MYO5B: variants seen among roughly 807,000 people sequenced by gnomAD.
The protein encoded by MYO5B is myosin VB, also known as unconventional myosin-Vb.
MYO5B carries 143 observed loss-of-function variants against 229.3 expected under a neutral mutation model. That is an observed-to-expected ratio of 0.62 (90% CI 0.54 to 0.72). MYO5B has a LOEUF of 0.72. MYO5B is among the 30% of genes least tolerant of loss of function. The probability of loss-of-function intolerance (pLI) is 0.00; values close to 1 mark genes in which losing one functional copy is unlikely to be tolerated. For synonymous variants in MYO5B, 918 were observed against 885.2 expected (o/e 1.04, Z -0.66); for missense variants, 2,321 against 2,331.0 (o/e 1.00, Z 0.09).
intron 1 of MYO5B, among the ~76,000 whole-genome samples, chr18:50,177,069 G>C (rs112254165): frequency 0.01 from 1,588 of 152,266 alleles, 29 homozygotes; most frequent in African/African-American, 0.036. Context: ...GACACCATTG[G>C]TTAAAAAATT....
chr18:49,911,036 A>C (rs2024951916), intron 18 of MYO5B, among the ~76,000 whole-genome samples: 1 of 152,198 alleles, frequency 6.6e-6, no homozygotes, highest in African/African-American at 2.4e-5. Flanking sequence ...AAATTGTTTC[A>C]ATTAAAACAT....
intron 2 of MYO5B, among the ~76,000 whole-genome samples, chr18:50,044,518 A>T (rs1438400388): frequency 6.6e-6 from 1 of 152,070 alleles, no homozygotes; most frequent in African/African-American, 2.4e-5. Context: ...TTCTGCAACT[A>T]GGAGCTGGGA....
intron 2 of MYO5B, among the ~76,000 whole-genome samples, chr18:50,040,778 T>C (rs1008126142): frequency 5.3e-5 from 8 of 152,206 alleles, no homozygotes; most frequent in Non-Finnish European, 1.0e-4. Flanking sequence ...CATTTGTGCA[T>C]ATATTTCTCC....
At chr18:49,956,815 C>T (rs16951308) in intron 12 of MYO5B, among the ~76,000 whole-genome samples, 3,969 of 152,168 alleles carry the variant, frequency 0.026, 179 homozygotes, top group African/African-American at 0.091. Context: ...GTGGTACTGG[C>T]CACTGATCAC....
intron 31 of MYO5B, among the ~76,000 whole-genome samples, chr18:49,851,422 T>C (rs1367718155): frequency 1.3e-5 from 2 of 152,220 alleles, no homozygotes; most frequent in African/African-American, 4.8e-5. Context: ...TGTAGGGGTA[T>C]TGGAACCACC....
intron 12 of MYO5B, among the ~76,000 whole-genome samples, chr18:49,957,934 C>G (rs930054514): frequency 3.9e-5 from 6 of 152,148 alleles, no homozygotes; most frequent in African/African-American, 1.4e-4. Flanking sequence ...CAGCTGGCCC[C>G]CCCCAGGACT....
chr18:49,843,173 A>G, intron 34 of MYO5B, 68 bp downstream of exon 34: 1 of 1,596,836 alleles, frequency 6.3e-7, no homozygotes, highest in Non-Finnish European at 8.6e-7. Flanking sequence ...AGACACAGAG[A>G]AGCAACAGTA....
chr18:50,010,999 T>C (rs183618151), intron 4 of MYO5B, among the ~76,000 whole-genome samples: 121 of 152,290 alleles, frequency 7.9e-4, no homozygotes, highest in African/African-American at 2.7e-3. Flanking sequence ...ACAAGTCTTG[T>C]ATTCTTCCTT....
intron 16 of MYO5B, among the ~76,000 whole-genome samples, chr18:49,932,006 C>A (rs1017914280): frequency 6.6e-6 from 1 of 152,236 alleles, no homozygotes; most frequent in Admixed American, 6.5e-5. Flanking sequence ...TGTTCAGGAG[C>A]ATCTGGGACC....
intron 4 of MYO5B, among the ~76,000 whole-genome samples, chr18:50,027,702 G>C (rs1027782916): frequency 6.6e-6 from 1 of 152,086 alleles, no homozygotes; most frequent in African/African-American, 2.4e-5. Context: ...CACATTACAG[G>C]AATCTATGCA....
chr18:49,887,196 G>A (rs554613149), intron 22 of MYO5B, among the ~76,000 whole-genome samples: 2 of 152,292 alleles, frequency 1.3e-5, no homozygotes, highest in South Asian at 4.2e-4. Flanking sequence ...TTGCAATGAA[G>A]TCACATGTTC....
chr18:50,055,404 T>G (rs779462395), intron 1 of MYO5B, 26 bp from the exon 2 acceptor site: 2 of 1,576,794 alleles, frequency 1.3e-6, no homozygotes, highest in African/African-American at 2.7e-5. Flanking sequence ...AGAAGAAACT[T>G]AGATACAGAA....
intron 39 of MYO5B, among the ~76,000 whole-genome samples, chr18:49,830,400 T>C (rs2023901147): frequency 6.6e-6 from 1 of 152,216 alleles, no homozygotes. Flanking sequence ...GTTCATGTAC[T>C]AGAAGACTTA....
rs1270017055 is a variant in MYO5B at position 49,991,513 on chromosome 18, GAGA to G, written c.756+772_756+774del. ...GCCCACTAAAGTCAGGATGGAGGAG[GAGA>G]AGGATTACAAAGAGGCAAAGAGTAG... On this transcript the variant is annotated intron_variant, in intron 6 of 39. Coordinates refer to ENST00000285039, the MANE Select transcript of MYO5B (RefSeq NM_001080467.3). Among the ~76,000 whole-genome samples, 6 of 152,286 alleles carry G rather than the reference GAGA, an allele frequency of 3.9e-5. No homozygotes were observed. In the East Asian group the frequency reaches 9.7e-4, roughly 25 times the overall value.
At chr18:50,023,139 A>C (rs1279590116) in intron 4 of MYO5B, among the ~76,000 whole-genome samples, 3 of 148,718 alleles carry the variant, frequency 2.0e-5, no homozygotes, top group Admixed American at 6.7e-5. Flanking sequence ...TGTCTTACAA[A>C]AAAAAAAAAA....
intron 12 of MYO5B, among the ~76,000 whole-genome samples, chr18:49,960,669 CT>C (rs1288996420): frequency 6.6e-6 from 1 of 152,194 alleles, no homozygotes; most frequent in African/African-American, 2.4e-5. Context: ...ACATTGTGGA[CT>C]TTTGTCTTAT....
At chr18:49,921,538 A>G (rs1291211472) in intron 17 of MYO5B, among the ~76,000 whole-genome samples, 1 of 152,190 alleles carries the variant, frequency 6.6e-6, no homozygotes, top group African/African-American at 2.4e-5. Context: ...ATTGAGTGAC[A>G]CATTTTCATT....
intron 1 of MYO5B, among the ~76,000 whole-genome samples, chr18:50,079,517 C>A (rs1230588148): frequency 6.6e-6 from 1 of 152,192 alleles, no homozygotes; most frequent in Non-Finnish European, 1.5e-5. Flanking sequence ...AAATTCTCCC[C>A]CCTTGAGGCA....
intron 17 of MYO5B, among the ~76,000 whole-genome samples, chr18:49,916,151 A>G (rs1459765272): frequency 6.6e-6 from 1 of 152,238 alleles, no homozygotes; most frequent in African/African-American, 2.4e-5. Flanking sequence ...GTTCTCCTTA[A>G]GAGTTTGCAA....
Sources: gnomAD v4.1 joint callset for allele counts (sites outside exome capture counted in the v4.1 genomes callset) on GRCh38, gnomAD v4.1.1 for gene constraint, MANE v1.5 for transcripts, NCBI Gene and HGNC (gene_info 2026-07-23, HGNC 2026-07-21) for gene names.